The following SPAG16 variants were observed in gnomAD, a reference collection of about 807,000 sequenced individuals.
The protein encoded by SPAG16 is sperm-associated antigen 16 protein.
A neutral mutation model predicts 80.4 loss-of-function variants in SPAG16; 86 were observed. That is an observed-to-expected ratio of 1.07 (90% CI 0.90 to 1.28). SPAG16 has a LOEUF of 1.28. Ranked by LOEUF, SPAG16 falls within the 50% of genes most tolerant of loss-of-function variation. The pLI is 0.00. For synonymous variants in SPAG16, 294 were observed against 265.9 expected, an observed-to-expected ratio of 1.11 and a Z score of -1.03; for missense variants, 870 against 765.3, an observed-to-expected ratio of 1.14 and a Z score of -1.61.
At chr2:214,199,317 CAT>C (rs1211457199) in intron 15 of SPAG16, among the ~76,000 whole-genome samples, 3 of 152,072 alleles carry the variant, frequency 2.0e-5, no homozygotes, top group Non-Finnish European at 2.9e-5. Context: ...CATTCTTCCA[CAT>C]GTGTTTGTCA....
intron 14 of SPAG16, among the ~76,000 whole-genome samples, chr2:214,130,107 T>G (rs2054690815): frequency 6.6e-6 from 1 of 152,148 alleles, no homozygotes; most frequent in African/African-American, 2.4e-5. Flanking sequence ...CCAAATCCAT[T>G]TATGCAAATG....
chr2:214,136,381 A>C (rs1484905433), intron 14 of SPAG16, among the ~76,000 whole-genome samples: 1 of 152,168 alleles, frequency 6.6e-6, no homozygotes, highest in Non-Finnish European at 1.5e-5. Context: ...TCTCATTTGT[A>C]ATATTGAGCA....
At chr2:213,412,336 A>C (rs1026593683) in intron 9 of SPAG16, among the ~76,000 whole-genome samples, 1 of 152,198 alleles carries the variant, frequency 6.6e-6, no homozygotes, top group Non-Finnish European at 1.5e-5. Flanking sequence ...GTCAGGGATA[A>C]GAACCCCTTC....
chr2:214,390,797 A>G (rs757424807), intron 15 of SPAG16, among the ~76,000 whole-genome samples: 13 of 152,308 alleles, frequency 8.5e-5, no homozygotes, highest in African/African-American at 1.7e-4. Flanking sequence ...AGCAAGATCA[A>G]TGTCACAGAG....
At chr2:214,377,986 G>T (rs1445588271) in intron 15 of SPAG16, among the ~76,000 whole-genome samples, 1 of 152,152 alleles carries the variant, frequency 6.6e-6, no homozygotes, top group Non-Finnish European at 1.5e-5. Context: ...GATCACAAAT[G>T]TCCTGGAAAG....
intron 10 of SPAG16, among the ~76,000 whole-genome samples, chr2:213,787,413 A>G (rs116811280): frequency 6.0e-4 from 91 of 152,246 alleles, no homozygotes; most frequent in African/African-American, 2.1e-3. Context: ...TAATTTTCAT[A>G]TATTAGCTTC....
chr2:213,724,368 G>C (rs1176421333), intron 10 of SPAG16, among the ~76,000 whole-genome samples: 1 of 152,138 alleles, frequency 6.6e-6, no homozygotes, highest in East Asian at 1.9e-4. Context: ...ATTAAGGATA[G>C]AAGAAAGATA....
intron 15 of SPAG16, among the ~76,000 whole-genome samples, chr2:214,380,112 T>C (rs1700362610): frequency 6.6e-6 from 1 of 152,228 alleles, no homozygotes; most frequent in Non-Finnish European, 1.5e-5. Context: ...GGTGAGATGG[T>C]GGTGAAGTGC....
At chr2:213,437,212 T>G (rs1219598473) in intron 9 of SPAG16, among the ~76,000 whole-genome samples, 1 of 152,212 alleles carries the variant, frequency 6.6e-6, no homozygotes, top group African/African-American at 2.4e-5. Flanking sequence ...AATGAGAAAC[T>G]CTTAGTCTTT....
intron 13 of SPAG16, among the ~76,000 whole-genome samples, chr2:214,041,970 CTGTGTGTG>C (rs199736767): frequency 2.2e-5 from 2 of 92,752 alleles, no homozygotes; most frequent in South Asian, 7.4e-4. Flanking sequence ...ATTTGTGTGT[CTGTGTGTG>C]TATATATATA....
At chr2:213,794,304 T>G (rs1157478184) in intron 10 of SPAG16, among the ~76,000 whole-genome samples, 1 of 152,136 alleles carries the variant, frequency 6.6e-6, no homozygotes, top group Non-Finnish European at 1.5e-5. Context: ...AGAAGTGAGT[T>G]TTTATTGGAC....
intron 9 of SPAG16, among the ~76,000 whole-genome samples, chr2:213,479,988 G>A (rs2073664781): frequency 6.6e-6 from 1 of 152,108 alleles, no homozygotes; most frequent in Non-Finnish European, 1.5e-5. Context: ...TTTTTCTGAT[G>A]CCTGGCTTTT....
At chr2:214,355,723 C>T (rs906591284) in intron 15 of SPAG16, among the ~76,000 whole-genome samples, 14 of 151,840 alleles carry the variant, frequency 9.2e-5, no homozygotes, top group African/African-American at 3.1e-4. Flanking sequence ...CACATGCACA[C>T]GTATGTTTAT....
At chr2:213,698,625 T>C (rs772023343) in intron 10 of SPAG16, among the ~76,000 whole-genome samples, 1 of 152,212 alleles carries the variant, frequency 6.6e-6, no homozygotes, top group African/African-American at 2.4e-5. Context: ...ACAGTTATCT[T>C]AGCTATTTCC....
At chr2:214,360,727 TA>T (rs1320451644) in intron 15 of SPAG16, among the ~76,000 whole-genome samples, 1 of 151,868 alleles carries the variant, frequency 6.6e-6, no homozygotes, top group Non-Finnish European at 1.5e-5. Context: ...GAAGGTTCTA[TA>T]ATTGAATCTG....
At chr2:214,175,236 T>A (rs1488276317) in intron 15 of SPAG16, among the ~76,000 whole-genome samples, 1 of 97,340 alleles carries the variant, frequency 1.0e-5, no homozygotes, top group African/African-American at 3.2e-5. Flanking sequence ...TATATATATA[T>A]AAAGAAATGT....
At chr2:213,638,864 G>A (rs1041993892) in intron 10 of SPAG16, among the ~76,000 whole-genome samples, 1 of 152,064 alleles carries the variant, frequency 6.6e-6, no homozygotes, top group Non-Finnish European at 1.5e-5. Context: ...CAATATTATT[G>A]TGTTATCTAT....
At chr2:213,702,434 G>A (rs562236289) in intron 10 of SPAG16, among the ~76,000 whole-genome samples, 1 of 152,266 alleles carries the variant, frequency 6.6e-6, no homozygotes, top group East Asian at 1.9e-4. Context: ...GCGAAGGTCT[G>A]CACCTTCACT....
intron 9 of SPAG16, among the ~76,000 whole-genome samples, chr2:213,462,315 T>C (rs2072420104): frequency 6.6e-6 from 1 of 152,242 alleles, no homozygotes; most frequent in South Asian, 2.1e-4. Context: ...ACTATTATAT[T>C]CAGTCTTTAC....
Sources: gnomAD v4.1 joint callset for allele counts (sites outside exome capture counted in the v4.1 genomes callset) on GRCh38, gnomAD v4.1.1 for gene constraint, MANE v1.5 for transcripts, NCBI Gene and HGNC (gene_info 2026-07-23, HGNC 2026-07-21) for gene names.